The following POP4 variants were observed in gnomAD, a reference collection of about 807,000 sequenced individuals.
The protein encoded by POP4 is POP4 ribonuclease P/MRP subunit.
Under a neutral mutation model 29.9 loss-of-function variants are expected in POP4, and 31 were observed. The observed-to-expected ratio is 1.04, with a 90% CI of 0.78 to 1.40. The LOEUF is 1.40. Among genes scored for constraint, POP4 ranks in the 40% most tolerant of loss-of-function variants. The probability of loss-of-function intolerance (pLI) is 0.00; values close to 1 mark genes in which losing one functional copy is unlikely to be tolerated. For synonymous variants in POP4, 110 were observed against 108.2 expected, an observed-to-expected ratio of 1.02 and a Z score of -0.10; for missense variants, 286 against 282.7, an observed-to-expected ratio of 1.01 and a Z score of -0.08.
chr19:29,608,818 C>G, intron 2 of POP4, 109 bp downstream of exon 2: 2 of 1,048,794 alleles, frequency 1.9e-6, no homozygotes, highest in Non-Finnish European at 1.5e-6. Context: ...CATCATACTC[C>G]TCATTTTTCT....
At position 29,611,854 on chromosome 19, in the gene POP4, T is replaced by G; in HGVS notation, c.285-8T>G. On this transcript the variant is annotated splice_polypyrimidine_tract_variant and splice_region_variant and intron_variant, in intron 3 of 6. Transcript: ENST00000585603. The stretch of plus-strand genomic sequence containing the variant: ...CTAACTTTTTCCCTGTTTCTGACTT[T>G]GCTGCAGATACAGCCTTTTCCTCCC... 1.9e-6 allele frequency: 3 copies of G among 1,613,154 alleles called. No individual in the cohort carries two copies. Among genetic ancestry groups the G allele is most frequent in the African/African-American group, 1.3e-5 (1 of 75,034 alleles).
At chr19:29,607,192 G>T (rs1282402177) in intron 1 of POP4, among the ~76,000 whole-genome samples, 1 of 152,020 alleles carries the variant, frequency 6.6e-6, no homozygotes, top group African/African-American at 2.4e-5. Flanking sequence ...CCAGCACTTT[G>T]GGAGGCTGAG....
In POP4 at chr19:29,606,291, A is replaced by G. The variant is rs1186244159; in HGVS notation, c.-28A>G. The G allele has an allele frequency of 2.5e-5, 40 of 1,600,184 alleles. No individual in the cohort carries two copies. The highest frequency in any genetic ancestry group is 3.4e-5 in the Non-Finnish European group (40 of 1,174,136). On this transcript the variant is annotated 5_prime_UTR_variant, in exon 1 of 7. Coordinates refer to ENST00000585603, the MANE Select transcript of POP4 (RefSeq NM_006627.3). ...CTGCGACAGCAGCTGCCAGTGCGTCATCAGAGAGCGCCGGAAGCGGTCCGA... is the reference window on the plus strand; with the variant it reads ...CTGCGACAGCAGCTGCCAGTGCGTCGTCAGAGAGCGCCGGAAGCGGTCCGA...
At chr19:29,613,516 A>C (rs1434994373) in intron 5 of POP4, among the ~76,000 whole-genome samples, 1 of 152,198 alleles carries the variant, frequency 6.6e-6, no homozygotes, top group Non-Finnish European at 1.5e-5. Context: ...GTGTTTGTGC[A>C]GATCCTGCAA....
intron 6 of POP4, 123 bp from the exon 7 acceptor site, chr19:29,615,121 G>A (rs139802125): frequency 7.4e-5 from 90 of 1,216,350 alleles, no homozygotes; most frequent in South Asian, 1.9e-4. Flanking sequence ...TGGGTTTCCC[G>A]TTTCCTATTA....
At chr19:29,608,730 C>G in intron 2 of POP4, 21 bp downstream of exon 2, 1 of 1,610,880 alleles carries the variant, frequency 6.2e-7, no homozygotes, top group Non-Finnish European at 8.5e-7. Flanking sequence ...GGCAGGGAGT[C>G]CAGGAGCAAC....
At chr19:29,612,038 G>T (rs1971075469) in intron 4 of POP4, 79 bp from the exon 5 acceptor site, 2 of 1,587,374 alleles carry the variant, frequency 1.3e-6, no homozygotes, top group Non-Finnish European at 1.7e-6. Flanking sequence ...TTGCCTGGCT[G>T]CAGACGGTTA....
Position 29,613,899 on chromosome 19 carries a change from G to A in POP4, c.453G>A (p.Val151=). Residue 151 remains valine, a synonymous_variant, in exon 6 of 7, where the codon GTG becomes GTA. Transcript: ENST00000585603. ...SVTKSKCPSY[V]GITGILLQET... ...CAAAATCCAAATGCCCCTCTTATGT[G>A]GGTATTACAGGAATCCTTCTACAGG... 1 of 1,613,542 alleles carries A rather than the reference G, an allele frequency of 6.2e-7. No homozygotes were observed. Among genetic ancestry groups the A allele is most frequent in the Non-Finnish European group, 8.5e-7 (1 of 1,179,826 alleles).
At chr19:29,610,332 A>T in intron 2 of POP4, 77 bp from the exon 3 acceptor site, 1 of 1,352,082 alleles carries the variant, frequency 7.4e-7, no homozygotes, top group South Asian at 1.5e-5. Context: ...GCTGCCGGGA[A>T]TGGCGGGCGG....
Position 29,611,893 on chromosome 19 carries a change from TGGAAACA to T in POP4, c.318_324del (p.Trp106CysfsTer18). 1 of 1,614,202 alleles carries T rather than the reference TGGAAACA, an allele frequency of 6.2e-7. No homozygotes were observed. Among genetic ancestry groups the T allele is most frequent in the Non-Finnish European group, 8.5e-7 (1 of 1,180,014 alleles). ...CCTTTTCCTCCCTCTCCATGAACTC[TGGAAACA>T]GTACATCAGGGACCTGTGCAGTGGG... is the stretch of plus-strand genomic sequence containing the variant. On this transcript the variant is annotated frameshift_variant, in exon 4 of 7. Coordinates refer to ENST00000585603, the MANE Select transcript of POP4 (RefSeq NM_006627.3). LOFTEE classifies it high-confidence loss of function.
At chr19:29,608,789 A>T in intron 2 of POP4, 80 bp downstream of exon 2, 4 of 1,319,672 alleles carry the variant, frequency 3.0e-6, no homozygotes, top group Non-Finnish European at 4.4e-6. Flanking sequence ...CCCAGCACTG[A>T]TTGAGATGTC....
rs1047470546 is a variant in POP4, at chr19:29,610,430, G to A, written c.82G>A (p.Glu28Lys). Reference protein sequence around the residue: ...DVQPSGAQRAEAFVRAFLKRS... With the variant: ...DVQPSGAQRAKAFVRAFLKRS... ...GCAGCCTTCAGGAGCACAGCGGGCC[G>A]AGGCCTTCGTGAGGGCCTTCCTGAA... Residue 28 changes from glutamate to lysine, a missense_variant, in exon 3 of 7, where the codon GAG (glutamate) becomes AAG (lysine). Transcript: ENST00000585603. The A allele has an allele frequency of 8.9e-6, 14 of 1,573,632 alleles. No individual in the cohort carries two copies. Among genetic ancestry groups the A allele is most frequent in the African/African-American group, 2.7e-5 (2 of 74,388 alleles).
chr19:29,607,002 C>G (rs1323986292), intron 1 of POP4, among the ~76,000 whole-genome samples: 1 of 152,186 alleles, frequency 6.6e-6, no homozygotes, highest in Non-Finnish European at 1.5e-5. Flanking sequence ...AAGTCTGTTA[C>G]TAAGCACCTG....
chr19:29,614,307 A>G (rs745608514), intron 6 of POP4, among the ~76,000 whole-genome samples: 1 of 152,216 alleles, frequency 6.6e-6, no homozygotes, highest in Non-Finnish European at 1.5e-5. Flanking sequence ...GAATGTAGCC[A>G]AACAGGCAGC....
intron 2 of POP4, among the ~76,000 whole-genome samples, chr19:29,609,992 C>T (rs550922345): frequency 1.3e-5 from 2 of 152,344 alleles, no homozygotes; most frequent in Non-Finnish European, 2.9e-5. Context: ...ATCACTTCCT[C>T]CATAGCTTAG....
chr19:29,607,556 A>T (rs1260196668), intron 1 of POP4, among the ~76,000 whole-genome samples: 1 of 152,220 alleles, frequency 6.6e-6, no homozygotes, highest in Non-Finnish European at 1.5e-5. Flanking sequence ...TATAGTGTAA[A>T]TTACATTTTC....
Position 29,615,238 on chromosome 19 carries a change from T to TTTC in POP4, c.527-5_527-3dup. 3 of 1,532,980 alleles carry TTTC rather than the reference T, an allele frequency of 2.0e-6. No homozygotes were observed. Among genetic ancestry groups the TTTC allele is most frequent in the Non-Finnish European group, 2.6e-6 (3 of 1,144,108 alleles). 95.0% of individuals were successfully genotyped at this position (1,532,980 alleles called of 1,614,324 possible). A position where few individuals can be genotyped will look rare whatever the true frequency, so the allele number is the denominator to read the frequency against. ...TTTCTCCTGCCTTTTTTTTTTTTTT[T>TTTC]TTCAGTTATCCCCAAGCTAAACTGC... On this transcript the variant is annotated splice_polypyrimidine_tract_variant and splice_region_variant and intron_variant, in intron 6 of 6. Coordinates refer to ENST00000585603, the MANE Select transcript of POP4 (RefSeq NM_006627.3).
In POP4 at chr19:29,610,507, C is replaced by T; in HGVS notation, c.159C>T (p.Arg53=). 1 of 1,612,100 alleles carries T rather than the reference C, an allele frequency of 6.2e-7. No individual in the cohort carries two copies. The highest frequency in any genetic ancestry group is 8.5e-7 in the Non-Finnish European group (1 of 1,179,600). ...AGGCCCGCGAGGACCAGCTGCAGCG[C>T]AAGGCGGTGGTCCTGGAGTACTTCA... The part of the protein sequence containing the change: ...SPQAREDQLQ[R]KAVVLEYFTR... The change falls in exon 3 of 7, where the codon CGC becomes CGT. Residue 53 remains arginine, a synonymous_variant. Transcript: ENST00000585603.
In POP4 at chr19:29,611,919, CAGTGGGCTCA is replaced by C; in HGVS notation, c.345_354del (p.Gly116GlnfsTer7). ...GGAAACAGTACATCAGGGACCTGTG[CAGTGGGCTCA>C]AGCCAGACACGTAAGTTGCATTCCT... On this transcript the variant is annotated frameshift_variant, in exon 4 of 7. Transcript: ENST00000585603. LOFTEE classifies it high-confidence loss of function. 1 of 1,614,152 alleles carries C rather than the reference CAGTGGGCTCA, an allele frequency of 6.2e-7. No individual in the cohort carries two copies. The highest frequency in any genetic ancestry group is 8.5e-7 in the Non-Finnish European group (1 of 1,179,992).
Sources: allele counts gnomAD v4.1 joint callset (sites outside exome capture counted in the v4.1 genomes callset), GRCh38; gene constraint gnomAD v4.1.1; transcripts MANE v1.5; gene names NCBI Gene and HGNC (gene_info 2026-07-23, HGNC 2026-07-21).